Variants in RAB21 observed in about 807,000 individuals in gnomAD.
The protein encoded by RAB21 is RAB21, member RAS oncogene family, also known as ras-related protein Rab-21.
Under a neutral mutation model 33.1 loss-of-function variants are expected in RAB21, and 13 were observed. That is an observed-to-expected ratio of 0.39 (90% CI 0.26 to 0.62). The LOEUF is 0.62. Among genes scored for constraint, RAB21 ranks in the 20% least tolerant of loss-of-function variants. The pLI, the probability that RAB21 is intolerant of heterozygous loss-of-function variation, is 0.48. For synonymous variants in RAB21, 91 were observed against 103.7 expected (o/e 0.88, Z 0.74); for missense variants, 234 against 279.1 (o/e 0.84, Z 1.15).
Position 71,795,331 on chromosome 12 carries a change from G to C in RAB21, c.*9658G>C, listed in dbSNP as rs1883453559. ...CAGCAGCTGTTCTAAGCCAAGCACT[G>C]CTTGAAAACAAAACAAAACAGAACA... On this transcript the variant is annotated 3_prime_UTR_variant, in exon 7 of 7. Transcript: ENST00000261263. The C allele has an allele frequency of 6.6e-6, 1 of 152,182 alleles. No individual in the cohort carries two copies. Among genetic ancestry groups the C allele is most frequent in the Non-Finnish European group, 1.5e-5 (1 of 68,036 alleles). The allele number at this position is 152,182 out of a possible 1,614,324, so 9.4% of individuals were successfully genotyped here.
chr12:71,768,947 G>A (rs1883000779), intron 1 of RAB21, among the ~76,000 whole-genome samples: 6 of 152,110 alleles, frequency 3.9e-5, no homozygotes, highest in Admixed American at 2.6e-4. Flanking sequence ...GTGTGTGTGT[G>A]TCTAAATACA....
chr12:71,771,139 T>G (rs1883036220), intron 3 of RAB21, among the ~76,000 whole-genome samples: 1 of 152,214 alleles, frequency 6.6e-6, no homozygotes, highest in Non-Finnish European at 1.5e-5. Flanking sequence ...CAACATCACA[T>G]TTAAGCTTTC....
Position 71,796,852 on chromosome 12 carries a change from G to GT in RAB21, c.*11182dup. On this transcript the variant is annotated 3_prime_UTR_variant, in exon 7 of 7. Coordinates refer to ENST00000261263, the MANE Select transcript of RAB21 (RefSeq NM_014999.4). Reference sequence around the variant, plus strand: ...AAAAGACTTGTAAGCTAAAAAGCCTGTTTCGTTCGGAAAAAAAAGTACATA... The same window carrying GT: ...AAAAGACTTGTAAGCTAAAAAGCCTGTTTTCGTTCGGAAAAAAAAGTACATA... The GT allele has an allele frequency of 6.6e-6, 1 of 152,162 alleles. No homozygotes were observed. Among genetic ancestry groups the GT allele is most frequent in the East Asian group, 1.9e-4 (1 of 5,184 alleles). The allele number at this position is 152,162 out of a possible 1,614,324, so 9.4% of individuals were successfully genotyped here.
At position 71,774,036 on chromosome 12, in the gene RAB21, C is replaced by T; in HGVS notation, c.391+14C>T. The T allele has an allele frequency of 6.6e-7, 1 of 1,525,682 alleles. No homozygotes were observed. The highest frequency in any genetic ancestry group is 8.8e-7 in the Non-Finnish European group (1 of 1,131,484). 94.5% of individuals were successfully genotyped at this position (1,525,682 alleles called of 1,614,324 possible). On this transcript the variant is annotated intron_variant, in intron 4 of 6. Coordinates refer to ENST00000261263, the MANE Select transcript of RAB21 (RefSeq NM_014999.4). ...TATGTATAGTTGGTAAGCATCATTA[C>T]TTTTTTCTAAAAAAAAAGTCCTCTG...
intron 3 of RAB21, among the ~76,000 whole-genome samples, chr12:71,771,311 T>C (rs575104115): frequency 1.8e-4 from 27 of 152,350 alleles, no homozygotes; most frequent in Non-Finnish European, 3.2e-4. Flanking sequence ...CACAATCAGA[T>C]GGGTTACTTA....
chr12:71,757,616 A>G (rs1431163959), intron 1 of RAB21, among the ~76,000 whole-genome samples: 1 of 152,228 alleles, frequency 6.6e-6, no homozygotes, highest in Non-Finnish European at 1.5e-5. Context: ...TGTAAACAGC[A>G]ATGTGTCTAA....
chr12:71,788,903 T>G lies in RAB21; in HGVS notation c.*3230T>G, dbSNP rs1049779229. The G allele has an allele frequency of 6.6e-6, 1 of 152,134 alleles. No homozygotes were observed. The highest frequency in any genetic ancestry group is 2.4e-5 in the African/African-American group (1 of 41,438). The allele number at this position is 152,134 out of a possible 1,614,324, so 9.4% of individuals were successfully genotyped here. On this transcript the variant is annotated 3_prime_UTR_variant, in exon 7 of 7. Coordinates refer to ENST00000261263, the MANE Select transcript of RAB21 (RefSeq NM_014999.4). Reference sequence around the variant, plus strand: ...GCAGTAATGTGAAAAGAAAAAAGCATTATGTTATTGTATGAAATATAAGTG... The same window carrying G: ...GCAGTAATGTGAAAAGAAAAAAGCAGTATGTTATTGTATGAAATATAAGTG...
chr12:71,760,382 C>A (rs1882854544), intron 1 of RAB21, among the ~76,000 whole-genome samples: 1 of 152,098 alleles, frequency 6.6e-6, no homozygotes, highest in African/African-American at 2.4e-5. Flanking sequence ...TATATAGAGT[C>A]CCCAAGCTCT....
chr12:71,767,234 A>G (rs745690512), intron 1 of RAB21, among the ~76,000 whole-genome samples: 2 of 152,108 alleles, frequency 1.3e-5, no homozygotes, highest in Non-Finnish European at 2.9e-5. Flanking sequence ...TTGTGTATCC[A>G]TAGTTCCTTA....
intron 2 of RAB21, among the ~76,000 whole-genome samples, chr12:71,770,374 A>G (rs1225207374): frequency 6.6e-6 from 1 of 152,176 alleles, no homozygotes; most frequent in Non-Finnish European, 1.5e-5. Flanking sequence ...GTTGGGAGGG[A>G]AAAAGTAACT....
At chr12:71,767,658 T>A (rs1318994246) in intron 1 of RAB21, among the ~76,000 whole-genome samples, 1 of 152,098 alleles carries the variant, frequency 6.6e-6, no homozygotes, top group Non-Finnish European at 1.5e-5. Flanking sequence ...CAAGGCTTGG[T>A]AGATTTTGGA....
intron 1 of RAB21, among the ~76,000 whole-genome samples, chr12:71,759,913 A>T (rs1472713071): frequency 6.6e-6 from 1 of 152,236 alleles, no homozygotes; most frequent in Non-Finnish European, 1.5e-5. Flanking sequence ...TTTTCTTTAA[A>T]ATGGGAGTAC....
In RAB21 at chr12:71,797,320, A is replaced by G. The variant is rs1044805811; in HGVS notation, c.*11647A>G. ...ACTGGGTATAAAATTCATCACAGAAATAAAAAGCTTTCATTTATAAAAACA... is the reference window on the plus strand; with the variant it reads ...ACTGGGTATAAAATTCATCACAGAAGTAAAAAGCTTTCATTTATAAAAACA... On this transcript the variant is annotated 3_prime_UTR_variant, in exon 7 of 7. Transcript: ENST00000261263. 1 of 152,170 alleles carries G rather than the reference A, an allele frequency of 6.6e-6. No homozygotes were observed. Among genetic ancestry groups the G allele is most frequent in the African/African-American group, 2.4e-5 (1 of 41,452 alleles). 9.4% of individuals were successfully genotyped at this position (152,170 alleles called of 1,614,324 possible).
At chr12:71,764,333 C>T (rs887516196) in intron 1 of RAB21, among the ~76,000 whole-genome samples, 5 of 152,104 alleles carry the variant, frequency 3.3e-5, no homozygotes, top group Non-Finnish European at 5.9e-5. Context: ...ACCACTGCTC[C>T]AGAGTAATTA....
In RAB21 at chr12:71,773,486, A is replaced by G. The variant is rs77382972; in HGVS notation, c.328-473A>G. Among the ~76,000 whole-genome samples, 258 of 151,372 alleles carry G rather than the reference A, an allele frequency of 1.7e-3. 3 individuals are homozygous for G. The East Asian group carries it at 0.047, about 28-fold the overall frequency. ...AATGATTGAATTATTTTAGCACTCT[A>G]ATTTTTTTTGGTGCTTATATACATT... On this transcript the variant is annotated intron_variant, in intron 3 of 6. Coordinates refer to ENST00000261263, the MANE Select transcript of RAB21 (RefSeq NM_014999.4).
In RAB21 at chr12:71,788,643, G is replaced by A. The variant is rs1400884255; in HGVS notation, c.*2970G>A. On this transcript the variant is annotated 3_prime_UTR_variant, in exon 7 of 7. Transcript: ENST00000261263. ...CAGAAGACACAAGTTACCACGTTGTGTATTAAAAGCAGTAGGTAGGTTGTG... is the reference window on the plus strand; with the variant it reads ...CAGAAGACACAAGTTACCACGTTGTATATTAAAAGCAGTAGGTAGGTTGTG... The A allele has an allele frequency of 1.3e-5, 2 of 152,138 alleles. No individual in the cohort carries two copies. The highest frequency in any genetic ancestry group is 2.9e-5 in the Non-Finnish European group (2 of 68,016). The allele number at this position is 152,138 out of a possible 1,614,324, so 9.4% of individuals were successfully genotyped here.
chr12:71,762,803 A>T (rs1436570742), intron 1 of RAB21, among the ~76,000 whole-genome samples: 1 of 151,900 alleles, frequency 6.6e-6, no homozygotes, highest in East Asian at 1.9e-4. Flanking sequence ...GCTGGTCCCG[A>T]ACTCCTGACC....
At chr12:71,784,021 A>G (rs1396816774) in intron 6 of RAB21, among the ~76,000 whole-genome samples, 1 of 152,238 alleles carries the variant, frequency 6.6e-6, no homozygotes, top group Non-Finnish European at 1.5e-5. Context: ...TACATTTTAA[A>G]ACATACCTAA....
At chr12:71,764,150 C>A (rs1188719823) in intron 1 of RAB21, among the ~76,000 whole-genome samples, 1 of 152,120 alleles carries the variant, frequency 6.6e-6, no homozygotes, top group African/African-American at 2.4e-5. Flanking sequence ...ACTGGGAGTT[C>A]TTTACTGAGA....
Sources: gnomAD v4.1 joint callset for allele counts (sites outside exome capture counted in the v4.1 genomes callset) on GRCh38, gnomAD v4.1.1 for gene constraint, MANE v1.5 for transcripts, NCBI Gene and HGNC (gene_info 2026-07-23, HGNC 2026-07-21) for gene names.